CLTRN: variants seen among roughly 807,000 people sequenced by gnomAD.
CLTRN encodes the protein collectrin.
A neutral mutation model predicts 14.5 loss-of-function variants in CLTRN; 12 were observed. The ratio of observed to expected loss-of-function variants is 0.83; its 90% CI spans 0.53 to 1.34. CLTRN has a LOEUF of 1.34. Ranked by LOEUF, CLTRN falls within the 40% of genes most tolerant of loss-of-function variation. CLTRN has a pLI of 0.00. For missense variants in CLTRN, 154 were observed against 165.1 expected, an observed-to-expected ratio of 0.93 and a Z score of 0.37; for synonymous variants, 58 against 56.5, an observed-to-expected ratio of 1.03 and a Z score of -0.12.
chrX:15,665,280 C>G (rs1281317334), upstream of CLTRN, among the ~76,000 whole-genome samples: 1 of 112,021 alleles, frequency 8.9e-6, no homozygotes. Flanking sequence ...CTCACCACAG[C>G]GGGTGAACAT....
intron 3 of CLTRN, among the ~76,000 whole-genome samples, chrX:15,652,611 T>C (rs1929246707): frequency 9.0e-6 from 1 of 111,261 alleles, no homozygotes; most frequent in African/African-American, 3.3e-5. Flanking sequence ...TTTGTTGTTG[T>C]TGTTGTTGTT....
At chrX:15,673,598 G>A (rs1929758905) in intron 1 of CLTRN, among the ~76,000 whole-genome samples, 2 of 112,260 alleles carry the variant, frequency 1.8e-5, no homozygotes, top group Non-Finnish European at 3.8e-5. Flanking sequence ...TCAGAGCCAG[G>A]GTGAGCTTAA....
chrX:15,635,946 A>T (rs1244420012), intron 5 of CLTRN, among the ~76,000 whole-genome samples: 1 of 111,934 alleles, frequency 8.9e-6, no homozygotes, highest in Non-Finnish European at 1.9e-5. Flanking sequence ...TACATGAAAG[A>T]ATGCTCAACT....
Position 15,646,458 on chromosome X carries a change from A to ACCCCCCC in CLTRN, c.204-1430_204-1429insGGGGGGG. 3 of 228,795 alleles carry ACCCCCCC rather than the reference A, an allele frequency of 1.3e-5. No homozygotes were observed. In the African/African-American group the frequency reaches 1.4e-4, roughly 11 times the overall value. The allele number at this position is 228,795 out of a possible 1,213,427, so 18.9% of individuals were successfully genotyped here. ...CTGGCTCTGGGCCAGAAAACCGCGC[A>ACCCCCCC]CCCACCCCCCCGCCCGACCCCCGCG... On this transcript the variant is annotated intron_variant, in intron 3 of 5. Coordinates refer to ENST00000380342, the MANE Select transcript of CLTRN (RefSeq NM_020665.6).
At chrX:15,667,045 G>A (rs1324898675), upstream of CLTRN, among the ~76,000 whole-genome samples, 1 of 100,894 alleles carries the variant, frequency 9.9e-6, no homozygotes, top group Non-Finnish European at 2.0e-5. Context: ...AGACCAGCCT[G>A]GCCAAGATGG....
chrX:15,672,582 T>C (rs1042330239), intron 1 of CLTRN, among the ~76,000 whole-genome samples: 6 of 111,297 alleles, frequency 5.4e-5, no homozygotes, highest in Non-Finnish European at 1.1e-4. Flanking sequence ...TAAAGACATA[T>C]GAATTAATCA....
chrX:15,648,743 G>T (rs1433808177), intron 3 of CLTRN, among the ~76,000 whole-genome samples: 2 of 110,119 alleles, frequency 1.8e-5, no homozygotes, highest in African/African-American at 6.6e-5. Context: ...CCCGGGAGGT[G>T]GAGGTTGCAG....
At chrX:15,629,081 A>G (rs773931907) in intron 5 of CLTRN, among the ~76,000 whole-genome samples, 70 of 111,986 alleles carry the variant, frequency 6.3e-4, no homozygotes, top group African/African-American at 2.1e-3. Flanking sequence ...GGCTTATCAC[A>G]GGTTGGATGT....
intron 4 of CLTRN, among the ~76,000 whole-genome samples, chrX:15,641,027 C>T (rs1307598349): frequency 9.0e-6 from 1 of 111,716 alleles, no homozygotes; most frequent in Admixed American, 9.5e-5. Flanking sequence ...AGTTTTTAGA[C>T]CAAAGTATGT....
Position 15,639,944 on chromosome X carries a change from C to T in CLTRN, c.318-188G>A, listed in dbSNP as rs750197024. Among the ~76,000 whole-genome samples the T allele has an allele frequency of 1.3e-4, 15 of 112,366 alleles. No individual in the cohort carries two copies. The South Asian group carries it at 5.6e-3, about 42-fold the overall frequency. On this transcript the variant is annotated intron_variant, in intron 4 of 5. Coordinates refer to ENST00000380342, the MANE Select transcript of CLTRN (RefSeq NM_020665.6). ...TGCCATAGTTTCTCTTAAGTTACAA[C>T]ACTAGCTGCCAGAGGGATACCCATG...
chrX:15,644,954 A>AT lies in CLTRN; in HGVS notation c.278dup (p.Asn93LysfsTer8). 1 of 1,208,320 alleles carries AT rather than the reference A, an allele frequency of 8.3e-7. No individual in the cohort carries two copies. The highest frequency in any genetic ancestry group is 1.1e-6 in the Non-Finnish European group (1 of 893,812). ...GCACCTCAACAGCAGGAAGGGTGTG[A>AT]TTTTTTGAAGGGTCTGTAACCACAA... On this transcript the variant is annotated frameshift_variant, in exon 4 of 6. Coordinates refer to ENST00000380342, the MANE Select transcript of CLTRN (RefSeq NM_020665.6). LOFTEE classifies it high-confidence loss of function.
chrX:15,651,655 C>T, intron 3 of CLTRN, among the ~76,000 whole-genome samples: 1 of 111,478 alleles, frequency 9.0e-6, no homozygotes, highest in Non-Finnish European at 1.9e-5. Context: ...CAGCAGATTT[C>T]TCTTGTGCCC....
At position 15,639,592 on chromosome X, in the gene CLTRN, A is replaced by T. The variant is rs767458194; in HGVS notation, c.482T>A (p.Leu161Gln). The change falls in exon 5 of 6, where the codon CTG becomes CAG. Residue 161 changes from leucine (L) to glutamine (Q), a missense_variant. By Grantham distance (113) the Leu-to-Gln change is moderately radical. Coordinates refer to ENST00000380342, the MANE Select transcript of CLTRN (RefSeq NM_020665.6). Reference protein sequence around the residue: ...FCIIIVAIALLILSGIWQRRR... With the variant: ...FCIIIVAIALQILSGIWQRRR... ...ACGTTGCCAGATCCCTGATAAAATC[A>T]GTAGTGCAATTGCAACTATGATGAT... 2 of 1,209,675 alleles carry T rather than the reference A, an allele frequency of 1.7e-6. No homozygotes were observed. The highest frequency in any genetic ancestry group is 2.2e-6 in the Non-Finnish European group (2 of 894,420).
At chrX:15,655,196 T>G (rs1341929215) in intron 3 of CLTRN, among the ~76,000 whole-genome samples, 2 of 112,093 alleles carry the variant, frequency 1.8e-5, no homozygotes, top group African/African-American at 6.5e-5. Flanking sequence ...TCCACCATGC[T>G]TCATTCTCCT....
chrX:15,670,602 AT>A (rs1929699607), intron 1 of CLTRN, among the ~76,000 whole-genome samples: 1 of 111,179 alleles, frequency 9.0e-6, no homozygotes, highest in African/African-American at 3.3e-5. Flanking sequence ...GAGACAAAGT[AT>A]TTTTGTCTAT....
intron 3 of CLTRN, among the ~76,000 whole-genome samples, chrX:15,658,285 C>T (rs1478053285): frequency 8.9e-6 from 1 of 112,478 alleles, no homozygotes; most frequent in African/African-American, 3.2e-5. Context: ...GCAAGTACAA[C>T]CTTAGGGTGT....
chrX:15,645,316 G>C (rs1343496122), intron 3 of CLTRN, among the ~76,000 whole-genome samples: 2 of 111,250 alleles, frequency 1.8e-5, no homozygotes, highest in Non-Finnish European at 3.8e-5. Context: ...TCCATCACCG[G>C]TTGGTGACAG....
At chrX:15,655,528 C>G (rs1334038685) in intron 3 of CLTRN, among the ~76,000 whole-genome samples, 1 of 112,128 alleles carries the variant, frequency 8.9e-6, no homozygotes, top group Non-Finnish European at 1.9e-5. Context: ...GGACATGGGC[C>G]CAATAGGCAG....
intron 3 of CLTRN, chrX:15,646,842 G>A (rs1601727447): frequency 1.9e-5 from 6 of 316,332 alleles, no homozygotes; most frequent in East Asian, 2.0e-4. Flanking sequence ...AAATCGCCCC[G>A]CCCGAGCGCA....
Sources: gnomAD v4.1 joint callset for allele counts (sites outside exome capture counted in the v4.1 genomes callset) on GRCh38, gnomAD v4.1.1 for gene constraint, MANE v1.5 for transcripts, NCBI Gene and HGNC (gene_info 2026-07-23, HGNC 2026-07-21) for gene names.